The following SLC44A5 variants were observed in gnomAD, a reference collection of about 807,000 sequenced individuals.
SLC44A5 encodes solute carrier family 44 member 5, also known as choline transporter-like protein 5.
Under a neutral mutation model 101.8 loss-of-function variants are expected in SLC44A5, and 57 were observed. The ratio of observed to expected loss-of-function variants is 0.56; its 90% CI spans 0.45 to 0.70. The LOEUF is 0.70. SLC44A5 is among the 30% of genes least tolerant of loss of function. The pLI is 0.00. For synonymous variants in SLC44A5, 281 were observed against 290.9 expected, an observed-to-expected ratio of 0.97 and a Z score of 0.35; for missense variants, 737 against 853.1, an observed-to-expected ratio of 0.86 and a Z score of 1.70.
At chr1:75,312,405 C>T (rs147103175) in intron 4 of SLC44A5, among the ~76,000 whole-genome samples, 2 of 152,234 alleles carry the variant, frequency 1.3e-5, no homozygotes, top group South Asian at 2.1e-4. Context: ...GTGTTGGAAA[C>T]TTAATCTCCA....
At chr1:75,370,936 G>A (rs188006800) in intron 3 of SLC44A5, among the ~76,000 whole-genome samples, 4 of 152,290 alleles carry the variant, frequency 2.6e-5, no homozygotes, top group Admixed American at 6.5e-5. Flanking sequence ...ATGAAACAAC[G>A]TACATGTGCT....
At position 75,600,476 on chromosome 1, in the gene SLC44A5, G is replaced by A. The variant is rs139878194; in HGVS notation, c.-70+10564C>T. Among the ~76,000 whole-genome samples the A allele has an allele frequency of 5.7e-3, 870 of 152,102 alleles. 15 individuals carry two copies. The highest frequency in any genetic ancestry group is 0.035 in the Admixed American group (532 of 15,270). On this transcript the variant is annotated intron_variant, in intron 1 of 23. Coordinates refer to ENST00000370859, the MANE Select transcript of SLC44A5 (RefSeq NM_001130058.2). ...TTAGTTTTATAATTTTGAGCAGGTT[G>A]TTTAACCTCTGTGAATTGTCTCATC...
Position 75,275,068 on chromosome 1 carries a change from T to C in SLC44A5, c.176-26A>G, listed in dbSNP as rs759384045. 11 of 1,594,540 alleles carry C rather than the reference T, an allele frequency of 6.9e-6. No individual in the cohort carries two copies. The African/African-American group carries it at 8.0e-5, about 12-fold the overall frequency. On this transcript the variant is annotated intron_variant, in intron 5 of 23. Transcript: ENST00000370859. ...CTGCAGGAACAAGAAAGGACAAATA[T>C]GCTATCAGCAAAAGCCAGCTAAAGG...
At chr1:75,342,187 A>G (rs116379920) in intron 3 of SLC44A5, among the ~76,000 whole-genome samples, 9 of 152,282 alleles carry the variant, frequency 5.9e-5, no homozygotes, top group Non-Finnish European at 8.8e-5. Flanking sequence ...CAGACATTCA[A>G]GAAAGTCAAA....
intron 2 of SLC44A5, among the ~76,000 whole-genome samples, chr1:75,438,014 G>T (rs1372354692): frequency 6.6e-6 from 1 of 152,046 alleles, no homozygotes; most frequent in Non-Finnish European, 1.5e-5. Flanking sequence ...AGTAGGATTA[G>T]CCCCCAGAGT....
chr1:75,319,403 G>T (rs1655964978), intron 4 of SLC44A5, among the ~76,000 whole-genome samples: 1 of 152,140 alleles, frequency 6.6e-6, no homozygotes, highest in Non-Finnish European at 1.5e-5. Flanking sequence ...TTTATTTGCA[G>T]CATGGACCTC....
intron 2 of SLC44A5, among the ~76,000 whole-genome samples, chr1:75,448,718 ACCTTTAC>A (rs1665727720): frequency 6.6e-6 from 1 of 152,122 alleles, no homozygotes; most frequent in Admixed American, 6.6e-5. Flanking sequence ...TAGTCTCCCT[ACCTTTAC>A]ATTAGCCTTT....
intron 5 of SLC44A5, among the ~76,000 whole-genome samples, chr1:75,288,356 C>T (rs1294000025): frequency 6.6e-6 from 1 of 152,022 alleles, no homozygotes; most frequent in Admixed American, 6.6e-5. Context: ...TACCTTAGTT[C>T]TTAAAGTAAA....
At chr1:75,499,107 A>AC (rs1254792363) in intron 2 of SLC44A5, among the ~76,000 whole-genome samples, 23 of 152,296 alleles carry the variant, frequency 1.5e-4, no homozygotes, top group African/African-American at 5.1e-4. Flanking sequence ...AATAAGCTAT[A>AC]CCATATAGCT....
At chr1:75,678,427 A>G in the SLC44A5 span, among the ~76,000 whole-genome samples, 1 of 152,120 alleles carries the variant, frequency 6.6e-6, no homozygotes, top group South Asian at 2.1e-4. Flanking sequence ...GAACGGGCAG[A>G]TTGCCTCCTC....
intron 2 of SLC44A5, among the ~76,000 whole-genome samples, chr1:75,506,280 C>T (rs1366019332): frequency 3.9e-5 from 6 of 152,018 alleles, no homozygotes; most frequent in African/African-American, 1.4e-4. Flanking sequence ...GAAGTTGGAT[C>T]ATGTGATGCC....
chr1:75,346,666 G>A (rs934814999), intron 3 of SLC44A5, among the ~76,000 whole-genome samples: 5 of 152,010 alleles, frequency 3.3e-5, no homozygotes, highest in African/African-American at 1.2e-4. Context: ...AAGAAAGTCT[G>A]GAAGCAAACA....
chr1:75,582,322 AAAGCCCAAGGAAGTT>A, intron 1 of SLC44A5: 1 of 1,458,462 alleles, frequency 6.9e-7, no homozygotes, highest in South Asian at 1.2e-5. Context: ...AGGCCCTGGT[AAAGCCCAAGGAAGTT>A]AAGCCCAAGA....
At position 75,387,955 on chromosome 1, in the gene SLC44A5, G is replaced by A. The variant is rs375087548; in HGVS notation, c.52+8628C>T. 6.9e-4 allele frequency among the ~76,000 whole-genome samples: 102 copies of A among 148,110 alleles called. 2 individuals carry two copies. The highest frequency in any genetic ancestry group is 6.9e-3 in the Middle Eastern group (2 of 290). ...AAATCATCATTCTCAGTAAACTATC[G>A]CAAGAACAAAAAACCAAACACCACA... On this transcript the variant is annotated intron_variant, in intron 3 of 23. Transcript: ENST00000370859.
rs1481152009 is a variant in SLC44A5, at chr1:75,305,927, T to C, written c.102-5242A>G. On this transcript the variant is annotated intron_variant, in intron 4 of 23. Coordinates refer to ENST00000370859, the MANE Select transcript of SLC44A5 (RefSeq NM_001130058.2). ...ATCTTTAAGGCAACTATATTTAATC[T>C]ATTATAGCCTAGATCAAGGGCAGCA... 2.0e-5 allele frequency among the ~76,000 whole-genome samples: 3 copies of C among 152,358 alleles called. No individual in the cohort carries two copies. In the East Asian group the frequency reaches 5.8e-4, roughly 29 times the overall value.
chr1:75,474,749 A>C (rs1667291940), intron 2 of SLC44A5, among the ~76,000 whole-genome samples: 1 of 152,248 alleles, frequency 6.6e-6, no homozygotes, highest in Non-Finnish European at 1.5e-5. Context: ...TCTTATTTCA[A>C]TACATATTTA....
chr1:75,366,888 T>C (rs960047213), intron 3 of SLC44A5, among the ~76,000 whole-genome samples: 3 of 152,234 alleles, frequency 2.0e-5, no homozygotes, highest in African/African-American at 7.2e-5. Context: ...TTATAGTTTC[T>C]GTTTCTTATT....
At chr1:75,615,917 C>G, upstream of SLC44A5, 4 of 984,572 alleles carry the variant, frequency 4.1e-6, no homozygotes, top group Non-Finnish European at 4.8e-6. Context: ...CCGGACCCCC[C>G]ACGCGCTTCC....
the SLC44A5 span, among the ~76,000 whole-genome samples, chr1:75,620,099 T>C: frequency 3.3e-5 from 5 of 152,340 alleles, no homozygotes; most frequent in South Asian, 6.2e-4. Context: ...TTTCTGCTCC[T>C]GTGTTAGTTT....
Sources: gnomAD v4.1 joint callset for allele counts (sites outside exome capture counted in the v4.1 genomes callset) on GRCh38, gnomAD v4.1.1 for gene constraint, MANE v1.5 for transcripts, NCBI Gene and HGNC (gene_info 2026-07-23, HGNC 2026-07-21) for gene names.